KLF17: variants seen among roughly 807,000 people sequenced by gnomAD.
KLF17 encodes Krueppel-like factor 17.
KLF17 carries 31 observed loss-of-function variants against 34.2 expected under a neutral mutation model. The ratio of observed to expected loss-of-function variants is 0.91; its 90% CI spans 0.68 to 1.22. The LOEUF (loss-of-function observed/expected upper bound fraction) is 1.22. Ranked by LOEUF, KLF17 falls within the 50% of genes most tolerant of loss-of-function variation. KLF17 has a pLI of 0.00. For synonymous variants in KLF17, 179 were observed against 186.7 expected (o/e 0.96, Z 0.34); for missense variants, 478 against 505.2 (o/e 0.95, Z 0.52).
chr1:44,119,111 G>T, intron 1 of KLF17, 123 bp downstream of exon 1: 1 of 624,426 alleles, frequency 1.6e-6, no homozygotes, highest in Non-Finnish European at 2.6e-6. Flanking sequence ...GAAATCCGAG[G>T]GGAGGGGTGG....
chr1:44,046,134 T>C, the KLF17 span: 2 of 141,398 alleles, frequency 1.4e-5, no homozygotes, highest in African/African-American at 5.4e-5. Context: ...TAAAGGATAA[T>C]AATAATAATA....
chr1:44,079,307 C>CTT, the KLF17 span, among the ~76,000 whole-genome samples: 1 of 140,858 alleles, frequency 7.1e-6, no homozygotes, highest in African/African-American at 2.6e-5. Flanking sequence ...TTTTCTTCTC[C>CTT]TTTTTTTTTT....
chr1:44,127,692 T>TTCTTTC lies in KLF17; in HGVS notation c.82-1660_82-1659insCTTTCT, dbSNP rs753421834. Among the ~76,000 whole-genome samples, 819 of 89,978 alleles carry TTCTTTC rather than the reference T, an allele frequency of 9.1e-3. 10 individuals are homozygous for TTCTTTC. Among genetic ancestry groups the TTCTTTC allele is most frequent in the Admixed American group, 0.015 (125 of 8,084 alleles). The allele number at this position is 89,978 out of a possible 152,430, so 59.0% of individuals were successfully genotyped here. A position where few individuals can be genotyped will look rare whatever the true frequency, so the allele number is the denominator to read the frequency against. On this transcript the variant is annotated intron_variant, in intron 1 of 3. Transcript: ENST00000372299. ...TTTCTTTCTTTCTTTCTTTCTTTCT[T>TTCTTTC]TTTCTTTCTTTCTTTCTTTCTTCTC...
At chr1:44,102,966 A>AT in the KLF17 span, among the ~76,000 whole-genome samples, 1 of 152,232 alleles carries the variant, frequency 6.6e-6, no homozygotes, top group East Asian at 1.9e-4. Flanking sequence ...GAGAAAAATA[A>AT]TTTGAGCTCA....
At chr1:44,050,521 C>T in the KLF17 span, among the ~76,000 whole-genome samples, 1 of 152,180 alleles carries the variant, frequency 6.6e-6, no homozygotes, top group Non-Finnish European at 1.5e-5. Context: ...AACATGACTG[C>T]CGAGCTGCCC....
At chr1:44,089,810 C>T in the KLF17 span, among the ~76,000 whole-genome samples, 1 of 152,124 alleles carries the variant, frequency 6.6e-6, no homozygotes, top group South Asian at 2.1e-4. Context: ...GTCAACACAT[C>T]AATTAGTTCA....
the KLF17 span, among the ~76,000 whole-genome samples, chr1:44,060,223 A>G: frequency 6.6e-6 from 1 of 152,164 alleles, no homozygotes; most frequent in Non-Finnish European, 1.5e-5. Flanking sequence ...TAATCCCAGC[A>G]CTTTAGGAGG....
intron 1 of KLF17, among the ~76,000 whole-genome samples, chr1:44,119,585 C>T (rs1046850248): frequency 2.0e-5 from 3 of 152,094 alleles, no homozygotes; most frequent in African/African-American, 4.8e-5. Context: ...GTCAGGGGCG[C>T]GTGGGAGCAG....
chr1:44,078,447 T>TTTTTTTTTTG, the KLF17 span, among the ~76,000 whole-genome samples: 1 of 151,680 alleles, frequency 6.6e-6, no homozygotes, highest in Non-Finnish European at 1.5e-5. Context: ...CTTTTTTTTT[T>TTTTTTTTTTG]TTTTTTGAAG....
At chr1:44,077,030 C>T in the KLF17 span, among the ~76,000 whole-genome samples, 1 of 150,720 alleles carries the variant, frequency 6.6e-6, no homozygotes, top group Non-Finnish European at 1.5e-5. Flanking sequence ...CCACTGCACC[C>T]AGCCTTTTTC....
chr1:44,052,904 T>C, the KLF17 span, among the ~76,000 whole-genome samples: 1 of 131,766 alleles, frequency 7.6e-6, no homozygotes, highest in African/African-American at 2.8e-5. Context: ...CTAGGCAGGA[T>C]TTTTTTTTTT....
At chr1:44,080,931 T>C in the KLF17 span, among the ~76,000 whole-genome samples, 1 of 151,958 alleles carries the variant, frequency 6.6e-6, no homozygotes, top group East Asian at 1.9e-4. Flanking sequence ...CCCAACCTGG[T>C]CTCGAACTCC....
the KLF17 span, among the ~76,000 whole-genome samples, chr1:44,100,257 C>CA: frequency 0.04 from 3,577 of 89,000 alleles, 142 homozygotes; most frequent in Admixed American, 0.12. Flanking sequence ...GACTCCATCT[C>CA]AAAAAAAAAA....
At chr1:44,122,492 C>CA in intron 1 of KLF17, 1 of 1,059,668 alleles carries the variant, frequency 9.4e-7, no homozygotes, top group African/African-American at 1.6e-5. Flanking sequence ...TCAATTTCAT[C>CA]AAAAATCTCA....
At chr1:44,099,897 GAAAGAAAGAAA>G in the KLF17 span, among the ~76,000 whole-genome samples, 3 of 57,920 alleles carry the variant, frequency 5.2e-5, no homozygotes, top group South Asian at 7.4e-4. Context: ...AAGAAAGAAA[GAAAGAAAGAAA>G]GAAAGAAAGA....
chr1:44,096,762 G>C, the KLF17 span, among the ~76,000 whole-genome samples: 1 of 152,006 alleles, frequency 6.6e-6, no homozygotes, highest in South Asian at 2.1e-4. Context: ...CAGATGGATA[G>C]ATTGCAAAAA....
chr1:44,080,557 C>T, the KLF17 span, among the ~76,000 whole-genome samples: 6 of 152,146 alleles, frequency 3.9e-5, no homozygotes, highest in East Asian at 3.9e-4. Flanking sequence ...TCTTAATTAT[C>T]GTATTTTACA....
the KLF17 span, among the ~76,000 whole-genome samples, chr1:44,068,750 G>A: frequency 6.6e-6 from 1 of 152,186 alleles, no homozygotes; most frequent in Non-Finnish European, 1.5e-5. Context: ...GTTTTCTCCA[G>A]AGTGGCACCA....
chr1:44,111,682 A>G, the KLF17 span, among the ~76,000 whole-genome samples: 2 of 152,110 alleles, frequency 1.3e-5, no homozygotes, highest in African/African-American at 2.4e-5. Flanking sequence ...TCATGAGGTC[A>G]GGAGTTCGAG....
Sources: gnomAD v4.1 joint callset for allele counts (sites outside exome capture counted in the v4.1 genomes callset) on GRCh38, gnomAD v4.1.1 for gene constraint, MANE v1.5 for transcripts, NCBI Gene and HGNC (gene_info 2026-07-23, HGNC 2026-07-21) for gene names.